Variants in KIAA1217 observed in about 807,000 individuals in gnomAD.
KIAA1217 encodes KIAA1217.
KIAA1217 carries 88 observed loss-of-function variants against 163.9 expected under a neutral mutation model. The ratio of observed to expected loss-of-function variants is 0.54; its 90% CI spans 0.45 to 0.64. The LOEUF is 0.64. Ranked by LOEUF, KIAA1217 falls within the 30% of genes least tolerant of loss-of-function variation. The pLI is 0.00. For synonymous variants in KIAA1217, 903 were observed against 923.1 expected (o/e 0.98, Z 0.39); for missense variants, 2,372 against 2,475.0 (o/e 0.96, Z 0.88).
intron 3 of KIAA1217, among the ~76,000 whole-genome samples, chr10:24,399,859 C>CA (rs1184672385): frequency 6.6e-6 from 1 of 151,784 alleles, no homozygotes; most frequent in Non-Finnish European, 1.5e-5. Flanking sequence ...ATAATAATAA[C>CA]AAAAAAATAA....
At chr10:23,761,526 G>C (rs1834259644) in intron 1 of KIAA1217, among the ~76,000 whole-genome samples, 1 of 152,114 alleles carries the variant, frequency 6.6e-6, no homozygotes, top group African/African-American at 2.4e-5. Context: ...AGTCATTCAG[G>C]AGCAAGTTGT....
intron 2 of KIAA1217, among the ~76,000 whole-genome samples, chr10:24,275,163 T>C (rs555553497): frequency 2.0e-5 from 3 of 152,230 alleles, no homozygotes; most frequent in Admixed American, 2.0e-4. Flanking sequence ...AGGTCTTAAT[T>C]CCCCAATGAA....
At chr10:24,389,939 C>T (rs1048656042) in intron 3 of KIAA1217, among the ~76,000 whole-genome samples, 6 of 152,158 alleles carry the variant, frequency 3.9e-5, no homozygotes, top group African/African-American at 1.4e-4. Flanking sequence ...GAAGGTGAGG[C>T]CCAACTCTGC....
chr10:24,334,470 AG>A (rs879436430), intron 2 of KIAA1217, among the ~76,000 whole-genome samples: 2,678 of 150,728 alleles, frequency 0.018, 53 homozygotes, highest in South Asian at 0.046. Context: ...GAAGGAAGGA[AG>A]GAAGGAAGGA....
intron 3 of KIAA1217, among the ~76,000 whole-genome samples, chr10:24,430,432 T>C (rs1412607065): frequency 1.3e-5 from 2 of 152,188 alleles, no homozygotes; most frequent in African/African-American, 4.8e-5. Flanking sequence ...CAAGGACCGG[T>C]TTTGTGGAAG....
chr10:23,709,759 C>G (rs1396108474), intron 1 of KIAA1217, among the ~76,000 whole-genome samples: 1 of 152,074 alleles, frequency 6.6e-6, no homozygotes, highest in Non-Finnish European at 1.5e-5. Context: ...AAACTGTTAT[C>G]ATTTTTTCTG....
chr10:24,390,376 G>C (rs559922828), intron 3 of KIAA1217, among the ~76,000 whole-genome samples: 1 of 150,518 alleles, frequency 6.6e-6, no homozygotes, highest in Admixed American at 6.6e-5. Context: ...AAAATGAGCT[G>C]ATGCTAAACT....
chr10:24,391,766 A>G (rs2055022632), intron 3 of KIAA1217, among the ~76,000 whole-genome samples: 1 of 152,198 alleles, frequency 6.6e-6, no homozygotes, highest in Non-Finnish European at 1.5e-5. Context: ...CTATAGGGTT[A>G]AGTAACTGGA....
At chr10:24,035,773 C>T (rs780887603) in intron 2 of KIAA1217, among the ~76,000 whole-genome samples, 4 of 152,200 alleles carry the variant, frequency 2.6e-5, no homozygotes, top group Admixed American at 6.5e-5. Context: ...CAAGAAAGAA[C>T]TAGTAAACAT....
At chr10:24,161,305 T>C (rs575940593) in intron 2 of KIAA1217, among the ~76,000 whole-genome samples, 22 of 152,332 alleles carry the variant, frequency 1.4e-4, no homozygotes, top group African/African-American at 4.6e-4. Flanking sequence ...GTAATTCTAA[T>C]GTACAGGCAT....
chr10:23,878,326 G>T (rs1177965200), intron 1 of KIAA1217, among the ~76,000 whole-genome samples: 1 of 151,876 alleles, frequency 6.6e-6, no homozygotes, highest in Non-Finnish European at 1.5e-5. Flanking sequence ...AGTAGTTTGG[G>T]TTAGCTGTTC....
chr10:24,300,667 A>G (rs542794532), intron 2 of KIAA1217, among the ~76,000 whole-genome samples: 41 of 152,284 alleles, frequency 2.7e-4, no homozygotes, highest in Admixed American at 8.5e-4. Flanking sequence ...TCCTGGGTTC[A>G]AGCAATTCTC....
intron 2 of KIAA1217, among the ~76,000 whole-genome samples, chr10:24,310,172 CA>C (rs2042522391): frequency 6.6e-6 from 1 of 152,120 alleles, no homozygotes; most frequent in African/African-American, 2.4e-5. Flanking sequence ...ATTAATCTAC[CA>C]AACAAATGGC....
At chr10:24,248,182 C>T (rs1203426448) in intron 2 of KIAA1217, among the ~76,000 whole-genome samples, 1 of 152,176 alleles carries the variant, frequency 6.6e-6, no homozygotes, top group Non-Finnish European at 1.5e-5. Flanking sequence ...TTTCCAGTGG[C>T]ATCTTCCCTT....
chr10:23,729,250 T>C (rs1838338969), intron 1 of KIAA1217, among the ~76,000 whole-genome samples: 1 of 152,244 alleles, frequency 6.6e-6, no homozygotes, highest in Non-Finnish European at 1.5e-5. Flanking sequence ...ATAAAGCTGC[T>C]ATAAACATCT....
chr10:24,046,923 A>G (rs1319081965), intron 2 of KIAA1217, among the ~76,000 whole-genome samples: 1 of 152,240 alleles, frequency 6.6e-6, no homozygotes, highest in Non-Finnish European at 1.5e-5. Context: ...TAATAAAATG[A>G]GTTAACACTT....
intron 1 of KIAA1217, among the ~76,000 whole-genome samples, chr10:23,898,745 C>T (rs1841822837): frequency 6.6e-6 from 1 of 152,066 alleles, no homozygotes; most frequent in Non-Finnish European, 1.5e-5. Context: ...TTTTCCCCTC[C>T]ACCCCAACTC....
At position 24,187,236 on chromosome 10, in the gene KIAA1217, C is replaced by T. The variant is rs541170919; in HGVS notation, c.-170-32390C>T. Among the ~76,000 whole-genome samples, 4 of 152,242 alleles carry T rather than the reference C, an allele frequency of 2.6e-5. No individual in the cohort carries two copies. In the South Asian group the frequency reaches 6.2e-4, roughly 24 times the overall value. ...GTCGCTTGTCACAGCATCCTGGGTC[C>T]GCTGCCTCCCTTTCTCTCATTCTTT... On this transcript the variant is annotated intron_variant, in intron 2 of 18. Coordinates refer to the KIAA1217 transcript ENST00000376462.
chr10:24,311,485 T>C (rs2042689755), intron 2 of KIAA1217, among the ~76,000 whole-genome samples: 1 of 152,180 alleles, frequency 6.6e-6, no homozygotes. Flanking sequence ...TTGCTAGGGA[T>C]ATGGTGATAA....
Sources: gnomAD v4.1 joint callset for allele counts (sites outside exome capture counted in the v4.1 genomes callset) on GRCh38, gnomAD v4.1.1 for gene constraint, MANE v1.5 for transcripts, NCBI Gene and HGNC (gene_info 2026-07-23, HGNC 2026-07-21) for gene names.